TRAPPC6B: variants seen among roughly 807,000 people sequenced by gnomAD.
TRAPPC6B encodes TRAPP complex subunit 6B.
Under a neutral mutation model 24.7 loss-of-function variants are expected in TRAPPC6B, and 27 were observed. That is an observed-to-expected ratio of 1.09 (90% CI 0.81 to 1.51). The LOEUF (loss-of-function observed/expected upper bound fraction) is 1.51. TRAPPC6B is among the 40% of genes most tolerant of loss of function. The probability of loss-of-function intolerance (pLI) is 0.00; values close to 1 mark genes in which losing one functional copy is unlikely to be tolerated. For missense variants in TRAPPC6B, 212 were observed against 190.8 expected (o/e 1.11, Z -0.66); for synonymous variants, 80 against 66.6 (o/e 1.20, Z -0.98).
At chr14:39,169,972 G>T in intron 1 of TRAPPC6B, 43 bp downstream of exon 1, 1 of 1,592,738 alleles carries the variant, frequency 6.3e-7, no homozygotes, top group Non-Finnish European at 8.6e-7. Context: ...GAAACAAGGT[G>T]TGTCACCGCA....
rs1179080137 is a variant in TRAPPC6B at position 39,150,334 on chromosome 14, T to A, written c.*16A>T. 1.3e-6 allele frequency: 2 copies of A among 1,580,698 alleles called. No homozygotes were observed. Among genetic ancestry groups the A allele is most frequent in the Non-Finnish European group, 1.7e-6 (2 of 1,169,346 alleles). On this transcript the variant is annotated 3_prime_UTR_variant, in exon 6 of 6. Transcript: ENST00000330149. ...TTATCTCTTTACACTGTTGAAGCCT[T>A]GCATTTCAGTATGTTCTACAGCTTC... is the stretch of plus-strand genomic sequence containing the variant.
At chr14:39,163,610 T>C (rs2053080435) in intron 1 of TRAPPC6B, among the ~76,000 whole-genome samples, 2 of 150,850 alleles carry the variant, frequency 1.3e-5, no homozygotes, top group Non-Finnish European at 2.9e-5. Flanking sequence ...ATATTGCCCA[T>C]GTGCCCCTTG....
At chr14:39,152,759 T>A (rs1336437152) in intron 4 of TRAPPC6B, among the ~76,000 whole-genome samples, 2 of 152,182 alleles carry the variant, frequency 1.3e-5, no homozygotes, top group Admixed American at 6.5e-5. Context: ...CTCAAAGATG[T>A]CCATAACTCA....
intron 2 of TRAPPC6B, 193 bp from the exon 3 acceptor site, chr14:39,158,595 G>A: frequency 2.1e-6 from 1 of 479,158 alleles, no homozygotes. Context: ...TCGGCTCATT[G>A]CAACGTCTAC....
rs1169085714 is a variant in TRAPPC6B at position 39,149,386 on chromosome 14, A to C, written c.*964T>G. The C allele has an allele frequency of 6.6e-6, 1 of 152,228 alleles. No individual in the cohort carries two copies. The highest frequency in any genetic ancestry group is 6.5e-5 in the Admixed American group (1 of 15,276). 9.4% of individuals were successfully genotyped at this position (152,228 alleles called of 1,614,324 possible). A position where few individuals can be genotyped will look rare whatever the true frequency, so the allele number is the denominator to read the frequency against. On this transcript the variant is annotated 3_prime_UTR_variant, in exon 6 of 6. Coordinates refer to ENST00000330149, the MANE Select transcript of TRAPPC6B (RefSeq NM_001079537.2). The stretch of plus-strand genomic sequence containing the variant: ...ATGGGAAACAAAGTATAGTTTTAGT[A>C]ATCAACATGCAAGATTCTAACAAAA...
intron 5 of TRAPPC6B, among the ~76,000 whole-genome samples, chr14:39,151,528 T>C (rs1215850360): frequency 6.6e-6 from 1 of 151,948 alleles, no homozygotes. Flanking sequence ...TTAAAAATCA[T>C]CCCTTAAATT....
intron 3 of TRAPPC6B, 53 bp downstream of exon 3, chr14:39,158,232 A>G: frequency 1.0e-6 from 1 of 976,036 alleles, no homozygotes. Context: ...AAAATACGAT[A>G]TTTATATCAA....
At chr14:39,160,864 A>C (rs1172115016) in intron 1 of TRAPPC6B, among the ~76,000 whole-genome samples, 1 of 152,182 alleles carries the variant, frequency 6.6e-6, no homozygotes, top group East Asian at 1.9e-4. Flanking sequence ...AAAATCCCAC[A>C]GTTAGCATCT....
At chr14:39,165,671 C>T (rs1419218923) in intron 1 of TRAPPC6B, among the ~76,000 whole-genome samples, 1 of 143,782 alleles carries the variant, frequency 7.0e-6, no homozygotes, top group Non-Finnish European at 1.6e-5. Flanking sequence ...TGGTAGCATG[C>T]CCATAGCCCT....
Position 39,148,247 on chromosome 14 carries a change from G to T in TRAPPC6B, c.*2103C>A, listed in dbSNP as rs900738820. On this transcript the variant is annotated 3_prime_UTR_variant, in exon 6 of 6. Transcript: ENST00000330149. ...AGGGATGCTGGCAAATCCCTAACTT[G>T]TATCAATTGTTAAGAGCAACAGAAA... 1.3e-5 allele frequency: 2 copies of T among 159,740 alleles called. No homozygotes were observed. Among genetic ancestry groups the T allele is most frequent in the Admixed American group, 6.4e-5 (1 of 15,508 alleles). The allele number at this position is 159,740 out of a possible 1,614,324, so 9.9% of individuals were successfully genotyped here.
rs186844415 is a variant in TRAPPC6B at position 39,157,737 on chromosome 14, C to A, written c.267+548G>T. 5.1e-5 allele frequency: 12 copies of A among 235,512 alleles called. 1 individual carries two copies. The South Asian group carries it at 7.1e-4, about 14-fold the overall frequency. 14.6% of individuals were successfully genotyped at this position (235,512 alleles called of 1,614,324 possible). ...TGGTGGAAGCTATCAGAACCAATTA[C>A]GACAGACAAAACGAAATCCACTGTC... On this transcript the variant is annotated intron_variant, in intron 3 of 5. Transcript: ENST00000330149.
intron 1 of TRAPPC6B, among the ~76,000 whole-genome samples, chr14:39,165,864 C>T (rs970051661): frequency 7.4e-6 from 1 of 134,600 alleles, no homozygotes; most frequent in Non-Finnish European, 1.5e-5. Context: ...AGTGCAGTGA[C>T]ACAATCTCGG....
intron 2 of TRAPPC6B, 47 bp from the exon 3 acceptor site, chr14:39,158,449 A>T (rs1444884754): frequency 9.3e-7 from 1 of 1,071,970 alleles, no homozygotes; most frequent in Non-Finnish European, 1.4e-6. Context: ...CTCCAAAAAA[A>T]GCAAGAGGGA....
intron 4 of TRAPPC6B, among the ~76,000 whole-genome samples, chr14:39,152,225 C>G (rs2052924048): frequency 6.6e-6 from 1 of 152,210 alleles, no homozygotes; most frequent in South Asian, 2.1e-4. Flanking sequence ...ATCTTACTGG[C>G]TGCCTTAACC....
chr14:39,154,990 C>T (rs1301374226), intron 3 of TRAPPC6B, among the ~76,000 whole-genome samples: 1 of 152,044 alleles, frequency 6.6e-6, no homozygotes, highest in East Asian at 1.9e-4. Flanking sequence ...TGTGGTGGTG[C>T]AATCACAGCT....
Position 39,170,288 on chromosome 14 carries a change from AGCCCACACTTCGGGG to A in TRAPPC6B, c.-208_-194del. The A allele has an allele frequency of 1.7e-6, 1 of 580,206 alleles. No homozygotes were observed. The highest frequency in any genetic ancestry group is 3.0e-5 in the East Asian group (1 of 33,540). The allele number at this position is 580,206 out of a possible 1,614,324, so 35.9% of individuals were successfully genotyped here. The stretch of plus-strand genomic sequence containing the variant: ...CTGAAATGAGTCTGGTACTGGAGAG[AGCCCACACTTCGGGG>A]CTACCAAATCCTAGGGCCGAACTAA... On this transcript the variant is annotated 5_prime_UTR_variant, in exon 1 of 6. Transcript: ENST00000330149.
Position 39,160,706 on chromosome 14 carries a change from A to C in TRAPPC6B, c.82-1156T>G, listed in dbSNP as rs1288790946. ...AAAAGAGAAAGAAAATAATTTCACT[A>C]TTGTTTTCTCTTAGAAGAGGAGAAA... On this transcript the variant is annotated intron_variant, in intron 1 of 5. Transcript: ENST00000330149. Among the ~76,000 whole-genome samples the C allele has an allele frequency of 2.6e-5, 4 of 152,196 alleles. No individual in the cohort carries two copies. In the East Asian group the frequency reaches 7.7e-4, roughly 29 times the overall value.
Position 39,150,335 on chromosome 14 carries a change from G to C in TRAPPC6B, c.*15C>G. The C allele has an allele frequency of 6.3e-7, 1 of 1,577,890 alleles. No homozygotes were observed. The highest frequency in any genetic ancestry group is 1.2e-5 in the South Asian group (1 of 84,880). On this transcript the variant is annotated 3_prime_UTR_variant, in exon 6 of 6. Transcript: ENST00000330149. The stretch of plus-strand genomic sequence containing the variant: ...TATCTCTTTACACTGTTGAAGCCTT[G>C]CATTTCAGTATGTTCTACAGCTTCT...
In TRAPPC6B at chr14:39,170,105, A is replaced by C; in HGVS notation, c.-10T>G. 6.2e-7 allele frequency: 1 copy of C among 1,614,002 alleles called. No homozygotes were observed. The highest frequency in any genetic ancestry group is 8.5e-7 in the Non-Finnish European group (1 of 1,179,950). The stretch of plus-strand genomic sequence containing the variant: ...ACGCCTCATCCGCCATTTCCTGCTA[A>C]TTCTTCCAAGCTTCGAGTTTTGGCT... On this transcript the variant is annotated 5_prime_UTR_variant, in exon 1 of 6. Transcript: ENST00000330149.
Sources: gnomAD v4.1 joint callset for allele counts (sites outside exome capture counted in the v4.1 genomes callset) on GRCh38, gnomAD v4.1.1 for gene constraint, MANE v1.5 for transcripts, NCBI Gene and HGNC (gene_info 2026-07-23, HGNC 2026-07-21) for gene names.